The following PSD3 variants were observed in gnomAD, a reference collection of about 807,000 sequenced individuals.
The protein encoded by PSD3 is pleckstrin and Sec7 domain containing 3.
PSD3 carries 49 observed loss-of-function variants against 105.5 expected under a neutral mutation model. That is an observed-to-expected ratio of 0.46 (90% confidence interval 0.37 to 0.59). The LOEUF is 0.59. PSD3 is among the 20% of genes least tolerant of loss of function. PSD3 has a pLI of 0.00. For synonymous variants in PSD3, 557 were observed against 457.8 expected (o/e 1.22, Z -2.77); for missense variants, 1,561 against 1,263.8 (o/e 1.24, Z -3.57).
At chr8:18,742,813 A>T (rs1804678544) in intron 9 of PSD3, among the ~76,000 whole-genome samples, 1 of 152,242 alleles carries the variant, frequency 6.6e-6, no homozygotes, top group Non-Finnish European at 1.5e-5. Flanking sequence ...ACAAAGAGCT[A>T]GTCATACCCA....
chr8:18,768,257 G>T (rs1807199922), intron 8 of PSD3, among the ~76,000 whole-genome samples: 1 of 151,822 alleles, frequency 6.6e-6, no homozygotes, highest in Non-Finnish European at 1.5e-5. Context: ...CTGCACTCCA[G>T]CCTGAGCGAC....
intron 1 of PSD3, among the ~76,000 whole-genome samples, chr8:19,080,915 C>A (rs1829623762): frequency 4.6e-5 from 7 of 151,942 alleles, no homozygotes; most frequent in Admixed American, 4.6e-4. Flanking sequence ...ATATGAAGAC[C>A]TAGCAAAAAA....
At chr8:18,776,382 A>ATAT (rs200351942) in intron 8 of PSD3, among the ~76,000 whole-genome samples, 2 of 145,244 alleles carry the variant, frequency 1.4e-5, no homozygotes, top group African/African-American at 2.5e-5. Flanking sequence ...GTATATATAT[A>ATAT]ATTTTTTTTT....
intron 1 of PSD3, among the ~76,000 whole-genome samples, chr8:18,958,650 A>G (rs1171277981): frequency 1.3e-5 from 2 of 152,232 alleles, no homozygotes; most frequent in African/African-American, 2.4e-5. Flanking sequence ...TTTTAATTTT[A>G]GAACTCAATC....
At position 18,529,651 on chromosome 8, in the gene PSD3, TG is replaced by T. The variant is rs1799553591; in HGVS notation, c.*6091del. 1 of 152,622 alleles carries T rather than the reference TG, an allele frequency of 6.6e-6. No homozygotes were observed. The highest frequency in any genetic ancestry group is 1.5e-5 in the Non-Finnish European group (1 of 68,036). 9.5% of individuals were successfully genotyped at this position (152,622 alleles called of 1,614,324 possible). A position where few individuals can be genotyped will look rare whatever the true frequency, so the allele number is the denominator to read the frequency against. On this transcript the variant is annotated 3_prime_UTR_variant, in exon 16 of 16. Coordinates refer to ENST00000327040, the MANE Select transcript of PSD3 (RefSeq NM_015310.4). ...GTATCTTAACAGCATTAAAAATCAA[TG>T]TGCATATATATACTCTCTCTAGAGT...
intron 8 of PSD3, among the ~76,000 whole-genome samples, chr8:18,773,191 C>T (rs150997124): frequency 6.6e-6 from 1 of 152,254 alleles, no homozygotes; most frequent in African/African-American, 2.4e-5. Flanking sequence ...AATTTTTATA[C>T]ACTGTGTGAT....
At chr8:18,643,285 A>G (rs926359748) in intron 10 of PSD3, among the ~76,000 whole-genome samples, 4 of 152,214 alleles carry the variant, frequency 2.6e-5, no homozygotes, top group Non-Finnish European at 4.4e-5. Flanking sequence ...CATAGCCCTC[A>G]TGACCTAAGC....
At chr8:18,768,833 A>G (rs1807248876) in intron 8 of PSD3, among the ~76,000 whole-genome samples, 1 of 152,204 alleles carries the variant, frequency 6.6e-6, no homozygotes, top group East Asian at 1.9e-4. Context: ...TGCCTCTTTC[A>G]TCAGCAAAGA....
chr8:18,862,279 G>T (rs756175269), intron 4 of PSD3, among the ~76,000 whole-genome samples: 2 of 151,346 alleles, frequency 1.3e-5, no homozygotes, highest in Non-Finnish European at 2.9e-5. Flanking sequence ...TCAAAAATAC[G>T]CACCTAGAAA....
chr8:19,016,101 A>T (rs1383670384), upstream of PSD3, among the ~76,000 whole-genome samples: 3 of 152,230 alleles, frequency 2.0e-5, no homozygotes, highest in East Asian at 5.8e-4. Context: ...TTTGTGTGTA[A>T]ATATTTTGTT....
chr8:18,743,591 T>C (rs577523855), intron 9 of PSD3, among the ~76,000 whole-genome samples: 1 of 152,210 alleles, frequency 6.6e-6, no homozygotes, highest in Admixed American at 6.5e-5. Flanking sequence ...ATACCTATTA[T>C]ACCAGGGAGC....
chr8:18,561,534 G>C (rs1801397445), intron 14 of PSD3, among the ~76,000 whole-genome samples: 1 of 152,130 alleles, frequency 6.6e-6, no homozygotes, highest in African/African-American at 2.4e-5. Flanking sequence ...AAATTCTGTT[G>C]TGTATCATGA....
At chr8:18,944,265 A>G (rs1347720131) in intron 1 of PSD3, among the ~76,000 whole-genome samples, 1 of 152,174 alleles carries the variant, frequency 6.6e-6, no homozygotes, top group African/African-American at 2.4e-5. Flanking sequence ...AACCTTTTTA[A>G]GTTGACTTAA....
chr8:18,992,112 G>T (rs1443387494), intron 1 of PSD3, among the ~76,000 whole-genome samples: 2 of 152,012 alleles, frequency 1.3e-5, no homozygotes, highest in Non-Finnish European at 2.9e-5. Context: ...TTTTTAACAG[G>T]TTTATACCCT....
In PSD3 at chr8:18,848,582, G is replaced by A. The variant is rs187375872; in HGVS notation, c.1634+19092C>T. On this transcript the variant is annotated intron_variant, in intron 4 of 15. Coordinates refer to ENST00000327040, the MANE Select transcript of PSD3 (RefSeq NM_015310.4). ...AGTTTTAAACGCTTAATAAGACTGC[G>A]GCTCAAATCTAAGTGCTGTATGTTC... 1.5e-3 allele frequency among the ~76,000 whole-genome samples: 234 copies of A among 152,310 alleles called. 3 individuals are homozygous for A. Among genetic ancestry groups the A allele is most frequent in the South Asian group, 2.7e-3 (13 of 4,826 alleles).
intron 10 of PSD3, among the ~76,000 whole-genome samples, chr8:18,646,982 A>G (rs562885427): frequency 6.6e-6 from 1 of 152,338 alleles, no homozygotes; most frequent in Non-Finnish European, 1.5e-5. Flanking sequence ...TACCCACATA[A>G]AAAACAGGTA....
Position 18,836,975 on chromosome 8 carries a change from A to G in PSD3, c.1634+30699T>C, listed in dbSNP as rs190795629. Among the ~76,000 whole-genome samples, 490 of 150,500 alleles carry G rather than the reference A, an allele frequency of 3.3e-3. 3 individuals carry two copies. The highest frequency in any genetic ancestry group is 0.011 in the African/African-American group (462 of 40,974). On this transcript the variant is annotated intron_variant, in intron 4 of 15. Coordinates refer to ENST00000327040, the MANE Select transcript of PSD3 (RefSeq NM_015310.4). ...GTGTTTTTTTTTTTTTTTAATACAC[A>G]TGCAGACCTTGCTCAAATCAAGTTT...
chr8:18,743,314 G>C (rs908847356), intron 9 of PSD3, among the ~76,000 whole-genome samples: 5 of 152,184 alleles, frequency 3.3e-5, no homozygotes, highest in Admixed American at 2.6e-4. Context: ...CGGGGAGATA[G>C]CGAATGCAGG....
intron 10 of PSD3, among the ~76,000 whole-genome samples, chr8:18,637,697 G>A (rs1807367956): frequency 6.6e-6 from 1 of 152,046 alleles, no homozygotes; most frequent in Non-Finnish European, 1.5e-5. Flanking sequence ...ATACTGAGTT[G>A]TTTCTAGTTT....
Sources: gnomAD v4.1 joint callset for allele counts (sites outside exome capture counted in the v4.1 genomes callset) on GRCh38, gnomAD v4.1.1 for gene constraint, MANE v1.5 for transcripts, NCBI Gene and HGNC (gene_info 2026-07-23, HGNC 2026-07-21) for gene names.